Variants in SPG11 observed in about 807,000 individuals in gnomAD.
SPG11 encodes SPG11 vesicle trafficking associated, spatacsin.
In SPG11, 222 loss-of-function variants were observed where a neutral mutation model predicts 274.0. The observed-to-expected ratio is 0.81, with a 90% CI of 0.73 to 0.91. SPG11 has a LOEUF of 0.91. SPG11 is among the 40% of genes least tolerant of loss of function. The pLI, the probability that SPG11 is intolerant of heterozygous loss-of-function variation, is 0.00. For synonymous variants in SPG11, 1,144 were observed against 1,039.7 expected (o/e 1.10, Z -1.93); for missense variants, 3,114 against 2,872.7 (o/e 1.08, Z -1.92).
chr15:44,587,676 A>G (rs1302119071), intron 28 of SPG11, among the ~76,000 whole-genome samples: 1 of 144,194 alleles, frequency 6.9e-6, no homozygotes, highest in African/African-American at 2.7e-5. Context: ...AGCTTGGGCA[A>G]CAGAGCCAGA....
At chr15:44,595,601 A>C in intron 25 of SPG11, 142 bp from the exon 26 acceptor site, 1 of 923,946 alleles carries the variant, frequency 1.1e-6, no homozygotes, top group Non-Finnish European at 1.7e-6. Flanking sequence ...AACATGAAAC[A>C]AACTAATGAG....
intron 6 of SPG11, among the ~76,000 whole-genome samples, chr15:44,650,964 T>A (rs987214137): frequency 6.6e-6 from 1 of 152,170 alleles, no homozygotes; most frequent in African/African-American, 2.4e-5. Flanking sequence ...GTCAGGCTGG[T>A]CTTGAACTCC....
In SPG11 at chr15:44,631,622, A is replaced by C. The variant is rs191815741; in HGVS notation, c.1735+1883T>G. Among the ~76,000 whole-genome samples, 250 of 151,906 alleles carry C rather than the reference A, an allele frequency of 1.6e-3. 1 individual carries two copies. The highest frequency in any genetic ancestry group is 5.7e-3 in the African/African-American group (235 of 41,466). The stretch of plus-strand genomic sequence containing the variant: ...GTAAGATGAAGAGAGACAGAATAAT[A>C]CAAAAAATACTGATTATTTAACATG... On this transcript the variant is annotated intron_variant, in intron 8 of 39. Transcript: ENST00000261866.
chr15:44,633,373 A>C (rs1261267815), intron 8 of SPG11, 132 bp downstream of exon 8: 3 of 363,186 alleles, frequency 8.3e-6, no homozygotes, highest in Non-Finnish European at 1.4e-5. Flanking sequence ...GAAAGTTTCC[A>C]AAAAGTACGT....
In SPG11 at chr15:44,613,292, A is replaced by C. The variant is rs960625032; in HGVS notation, c.3145+138T>G. The C allele has an allele frequency of 2.9e-5, 20 of 679,314 alleles. No individual in the cohort carries two copies. In the Admixed American group the frequency reaches 3.0e-4, roughly 10 times the overall value. 42.1% of individuals were successfully genotyped at this position (679,314 alleles called of 1,614,324 possible). ...GGCCTTCCTTCTGCTTCTTACCTCA[A>C]GTGTGAGCCTAGATTACATTCAGAT... On this transcript the variant is annotated intron_variant, in intron 17 of 39. Coordinates refer to ENST00000261866, the MANE Select transcript of SPG11 (RefSeq NM_025137.4).
At chr15:44,614,766 T>C (rs2083550130) in intron 16 of SPG11, among the ~76,000 whole-genome samples, 3 of 152,226 alleles carry the variant, frequency 2.0e-5, no homozygotes, top group Admixed American at 2.0e-4. Context: ...TATAAAGTAC[T>C]TAGCTTAGTG....
At chr15:44,579,479 G>T (rs1205962017) in intron 30 of SPG11, among the ~76,000 whole-genome samples, 2 of 140,090 alleles carry the variant, frequency 1.4e-5, no homozygotes, top group Non-Finnish European at 3.0e-5. Flanking sequence ...GTGAGCCGAG[G>T]TCACACCACT....
At chr15:44,614,948 T>C (rs568225458) in intron 16 of SPG11, among the ~76,000 whole-genome samples, 1 of 152,246 alleles carries the variant, frequency 6.6e-6, no homozygotes, top group Non-Finnish European at 1.5e-5. Flanking sequence ...TATAGAAATA[T>C]AAATTTTAGA....
At chr15:44,635,207 T>C (rs1323601307) in intron 7 of SPG11, among the ~76,000 whole-genome samples, 2 of 151,726 alleles carry the variant, frequency 1.3e-5, no homozygotes, top group Non-Finnish European at 2.9e-5. Context: ...CACAGCAAGA[T>C]GCTGTCTCAA....
At chr15:44,604,666 C>A (rs1391614604) in intron 20 of SPG11, among the ~76,000 whole-genome samples, 1 of 151,982 alleles carries the variant, frequency 6.6e-6, no homozygotes, top group Admixed American at 6.6e-5. Flanking sequence ...CGGTGGCTCA[C>A]GCCTGTAATC....
intron 28 of SPG11, among the ~76,000 whole-genome samples, chr15:44,586,184 C>T (rs1455232694): frequency 1.3e-5 from 2 of 151,538 alleles, no homozygotes; most frequent in African/African-American, 4.8e-5. Flanking sequence ...GGGATTTCAC[C>T]ATGTTGTCCA....
At chr15:44,649,146 C>T in intron 6 of SPG11, 135 bp from the exon 7 acceptor site, 3 of 727,860 alleles carry the variant, frequency 4.1e-6, no homozygotes, top group Non-Finnish European at 4.5e-6. Context: ...ATATCATGTA[C>T]TATAATGATC....
intron 14 of SPG11, chr15:44,620,682 G>A (rs2083719623): frequency 3.1e-6 from 1 of 327,414 alleles, no homozygotes; most frequent in African/African-American, 2.2e-5. Context: ...CTACAGGGAT[G>A]TGCCATCATG....
chr15:44,627,577 G>A (rs1441650412), intron 10 of SPG11, among the ~76,000 whole-genome samples: 1 of 151,842 alleles, frequency 6.6e-6, no homozygotes, highest in Non-Finnish European at 1.5e-5. Context: ...CAAAAAAGTA[G>A]AAGGAAAAGT....
chr15:44,576,898 T>C (rs2082550822), intron 30 of SPG11, among the ~76,000 whole-genome samples: 1 of 151,840 alleles, frequency 6.6e-6, no homozygotes, highest in Admixed American at 6.6e-5. Flanking sequence ...ACCATCTCGG[T>C]TCACTGCAAC....
chr15:44,596,021 G>A, intron 25 of SPG11, 62 bp downstream of exon 25: 1 of 1,598,576 alleles, frequency 6.3e-7, no homozygotes, highest in Non-Finnish European at 8.6e-7. Flanking sequence ...AGCCTTTCCT[G>A]TCCCTCATTA....
intron 30 of SPG11, among the ~76,000 whole-genome samples, chr15:44,576,112 A>G (rs1012385634): frequency 1.6e-5 from 2 of 125,800 alleles, no homozygotes; most frequent in African/African-American, 6.1e-5. Flanking sequence ...ATTGCACTCC[A>G]GCCTGGGCAA....
Position 44,615,344 on chromosome 15 carries a change from A to G in SPG11, c.3038+19T>C. The G allele has an allele frequency of 6.2e-7, 1 of 1,610,030 alleles. No individual in the cohort carries two copies. Among genetic ancestry groups the G allele is most frequent in the Non-Finnish European group, 8.5e-7 (1 of 1,177,366 alleles). ...AATGTGAAGACCTGCTCAAGGACAAATGCATTCTCAGTACTCACTTGTAAC... is the reference window on the plus strand; with the variant it reads ...AATGTGAAGACCTGCTCAAGGACAAGTGCATTCTCAGTACTCACTTGTAAC... On this transcript the variant is annotated intron_variant, in intron 16 of 39. Transcript: ENST00000261866.
In SPG11 at chr15:44,565,863, C is replaced by T; in HGVS notation, c.6990G>A (p.Arg2330=). 1 of 1,614,044 alleles carries T rather than the reference C, an allele frequency of 6.2e-7. No individual in the cohort carries two copies. Among genetic ancestry groups the T allele is most frequent in the Non-Finnish European group, 8.5e-7 (1 of 1,180,016 alleles). ...KLMDCILALP[R]FYQASIVAEA... ...TTGCTTTCTTGCTCACCTGGTAGAA[C>T]CGAGGTAGGGCCAGAATACAGTCCA... Residue 2330 remains arginine, a synonymous_variant, in exon 38 of 40, where the codon CGG becomes CGA. Coordinates refer to ENST00000261866, the MANE Select transcript of SPG11 (RefSeq NM_025137.4).
Sources: allele counts gnomAD v4.1 joint callset (sites outside exome capture counted in the v4.1 genomes callset), GRCh38; gene constraint gnomAD v4.1.1; transcripts MANE v1.5; gene names NCBI Gene and HGNC (gene_info 2026-07-23, HGNC 2026-07-21).